ITSN1: variants seen among roughly 807,000 people sequenced by gnomAD.
ITSN1 encodes intersectin-1.
ITSN1 carries 58 observed loss-of-function variants against 239.8 expected under a neutral mutation model. The observed-to-expected ratio is 0.24, with a 90% confidence interval of 0.20 to 0.30. The LOEUF (loss-of-function observed/expected upper bound fraction) is 0.30, where lower values mean the gene tolerates loss of function less well. ITSN1 is among the 10% of genes least tolerant of loss of function. The probability of loss-of-function intolerance (pLI) is 1.00; values close to 1 mark genes in which losing one functional copy is unlikely to be tolerated. For synonymous variants in ITSN1, 780 were observed against 770.8 expected, an observed-to-expected ratio of 1.01 and a Z score of -0.20; for missense variants, 1,558 against 2,103.3, an observed-to-expected ratio of 0.74 and a Z score of 5.07.
intron 1 of ITSN1, among the ~76,000 whole-genome samples, chr21:33,711,652 TTGTGTGTGTG>T (rs58696981): frequency 0.034 from 4,614 of 134,886 alleles, 250 homozygotes; most frequent in African/African-American, 0.11. Context: ...TTTCTGTGTG[TTGTGTGTGTG>T]TGTGTGTGTG....
At chr21:33,837,225 C>G (rs1463887701) in intron 29 of ITSN1, 2 of 1,252,580 alleles carry the variant, frequency 1.6e-6, no homozygotes, top group African/African-American at 1.5e-5. Flanking sequence ...GCAAAAATTA[C>G]AAAAACACAC....
intron 5 of ITSN1, among the ~76,000 whole-genome samples, chr21:33,743,814 C>T (rs950437203): frequency 1.3e-5 from 2 of 152,174 alleles, no homozygotes; most frequent in Admixed American, 6.5e-5. Context: ...AACAGCAGTG[C>T]TTTCTGCTAG....
chr21:33,669,231 C>T (rs1044597850), intron 1 of ITSN1, among the ~76,000 whole-genome samples: 4 of 151,578 alleles, frequency 2.6e-5, no homozygotes, highest in East Asian at 2.0e-4. Flanking sequence ...TACAGGTGTG[C>T]GCCACTATGC....
chr21:33,761,930 A>G lies in ITSN1; in HGVS notation c.732A>G (p.Gln244=), dbSNP rs1387024225. 1.9e-6 allele frequency: 3 copies of G among 1,613,336 alleles called. No homozygotes were observed. Among genetic ancestry groups the G allele is most frequent in the African/African-American group, 2.7e-5 (2 of 74,918 alleles). The change falls in exon 9 of 40, where the codon CAA becomes CAG. Residue 244 remains glutamine, a synonymous_variant. Coordinates refer to ENST00000381318, the MANE Select transcript of ITSN1 (RefSeq NM_003024.3). ...KTMSGHLTGP[Q]ARTILMQSSL... is the part of the protein sequence containing the mutation. The stretch of plus-strand genomic sequence containing the variant: ...TTCCTGGTTCCTGTTTAGGTCCCCA[A>G]GCAAGAACTATTCTTATGCAGTCAA...
intron 1 of ITSN1, among the ~76,000 whole-genome samples, chr21:33,684,429 G>A (rs2091134266): frequency 6.6e-6 from 1 of 152,160 alleles, no homozygotes. Context: ...ATGTGGAATA[G>A]CATGATTAAT....
chr21:33,700,347 A>T (rs570176854), intron 1 of ITSN1, among the ~76,000 whole-genome samples: 1 of 152,272 alleles, frequency 6.6e-6, no homozygotes, highest in Admixed American at 6.5e-5. Flanking sequence ...GGCTTCCCAA[A>T]GTGCTGGGAT....
intron 1 of ITSN1, among the ~76,000 whole-genome samples, chr21:33,645,886 C>T (rs1294675483): frequency 6.6e-6 from 1 of 152,094 alleles, no homozygotes; most frequent in Non-Finnish European, 1.5e-5. Flanking sequence ...AAGTTTTATC[C>T]CTTAGGCTGC....
intron 1 of ITSN1, among the ~76,000 whole-genome samples, chr21:33,705,424 A>G (rs144674543): frequency 0.051 from 7,826 of 152,162 alleles, 672 homozygotes; most frequent in African/African-American, 0.18. Flanking sequence ...GTCTCGCTCT[A>G]TCACCCAGGC....
Position 33,735,144 on chromosome 21 carries a change from T to G in ITSN1, c.286T>G (p.Ser96Ala). 6.2e-7 allele frequency: 1 copy of G among 1,614,002 alleles called. No homozygotes were observed. ...GAAGCTACAAGGATATCAGCTACCC[T>G]CTGCACTTCCCCCTGTCATGAAACA... ...KLKLQGYQLP[S>A]ALPPVMKQQP... The change falls in exon 5 of 40, where the codon TCT (serine) becomes GCT (alanine). Residue 96 changes from serine to alanine, a missense_variant. Physicochemically the swap from Ser to Ala is moderately conservative, Grantham distance 99 (BLOSUM62 1). This residue lies in a region of ITSN1 where 982 missense variants were observed against 1,209.9 expected (regional missense o/e 0.81). Coordinates refer to ENST00000381318, the MANE Select transcript of ITSN1 (RefSeq NM_003024.3).
At chr21:33,700,920 A>G (rs2091977233) in intron 1 of ITSN1, among the ~76,000 whole-genome samples, 1 of 150,978 alleles carries the variant, frequency 6.6e-6, no homozygotes, top group Non-Finnish European at 1.5e-5. Context: ...TGGACTATGT[A>G]TTAGTAGTAC....
intron 1 of ITSN1, among the ~76,000 whole-genome samples, chr21:33,658,842 T>C (rs552286290): frequency 6.6e-6 from 1 of 152,360 alleles, no homozygotes; most frequent in Admixed American, 6.5e-5. Flanking sequence ...TATCATTTTG[T>C]TCCTGATTCC....
chr21:33,846,941 T>C (rs2075006774), intron 29 of ITSN1, among the ~76,000 whole-genome samples: 1 of 152,202 alleles, frequency 6.6e-6, no homozygotes, highest in Non-Finnish European at 1.5e-5. Context: ...CCTTCAGTAC[T>C]GTCTATTTAT....
chr21:33,788,449 G>C (rs2070839302), intron 16 of ITSN1, among the ~76,000 whole-genome samples: 1 of 152,194 alleles, frequency 6.6e-6, no homozygotes, highest in African/African-American at 2.4e-5. Context: ...TAACCAGTCA[G>C]GCCAGGTGCA....
intron 36 of ITSN1, 100 bp from the exon 37 acceptor site, chr21:33,884,941 A>G: frequency 2.5e-6 from 2 of 815,008 alleles, no homozygotes; most frequent in South Asian, 3.0e-5. Flanking sequence ...GTTAAAATCA[A>G]ATGAACAAAG....
At chr21:33,772,452 G>A in intron 12 of ITSN1, 129 bp downstream of exon 12, 1 of 1,158,640 alleles carries the variant, frequency 8.6e-7, no homozygotes, top group Non-Finnish European at 1.2e-6. Context: ...TCCCAAAGTT[G>A]TGCAACCATC....
intron 9 of ITSN1, among the ~76,000 whole-genome samples, chr21:33,765,271 G>C (rs1007846147): frequency 6.6e-6 from 1 of 152,172 alleles, no homozygotes; most frequent in Non-Finnish European, 1.5e-5. Flanking sequence ...CCAGCGATTT[G>C]ATAGGCTCAC....
chr21:33,845,239 AGG>A (rs34302900), intron 29 of ITSN1, among the ~76,000 whole-genome samples: 36,630 of 150,980 alleles, frequency 0.24, 5,461 homozygotes, highest in African/African-American at 0.41. Context: ...CTCTCTGAAG[AGG>A]GGGGATGGAG....
intron 1 of ITSN1, among the ~76,000 whole-genome samples, chr21:33,693,894 T>C (rs2091673295): frequency 6.6e-6 from 1 of 152,206 alleles, no homozygotes; most frequent in African/African-American, 2.4e-5. Context: ...TAAGTGAAAA[T>C]ATTTACAACA....
rs1984288348 is a variant in ITSN1, at chr21:33,878,044, G to GTGTGTGTT, written c.4341+2526_4341+2527insGTGTTTGT. ...TGTGTGTGTGTGTGTGTGTGTGTGT[G>GTGTGTGTT]TGTTTGTTTTAGTCAGGGTCTCACT... is the stretch of plus-strand genomic sequence containing the variant. On this transcript the variant is annotated intron_variant, in intron 34 of 39. Coordinates refer to ENST00000381318, the MANE Select transcript of ITSN1 (RefSeq NM_003024.3). Among the ~76,000 whole-genome samples the GTGTGTGTT allele has an allele frequency of 2.8e-5, 4 of 143,906 alleles. No individual in the cohort carries two copies. In the South Asian group the frequency reaches 8.6e-4, roughly 31 times the overall value. 94.4% of individuals were successfully genotyped at this position (143,906 alleles called of 152,430 possible).
Sources: gnomAD v4.1 joint callset for allele counts (sites outside exome capture counted in the v4.1 genomes callset) on GRCh38, gnomAD v4.1.1 for gene constraint, gnomAD v4.1.1 regional missense constraint, MANE v1.5 for transcripts, NCBI Gene and HGNC (gene_info 2026-07-23, HGNC 2026-07-21) for gene names.